The following MYO1D variants were observed in gnomAD, a reference collection of about 807,000 sequenced individuals.
MYO1D encodes the protein unconventional myosin-Id.
In MYO1D, 83 loss-of-function variants were observed where a neutral mutation model predicts 122.0. The ratio of observed to expected loss-of-function variants is 0.68; its 90% confidence interval spans 0.57 to 0.82. The LOEUF (loss-of-function observed/expected upper bound fraction) is 0.82, where lower values mean the gene tolerates loss of function less well. Among genes scored for constraint, MYO1D ranks in the 40% least tolerant of loss-of-function variants. The probability of loss-of-function intolerance (pLI) is 0.00; values close to 1 mark genes in which losing one functional copy is unlikely to be tolerated. For missense variants in MYO1D, 1,157 were observed against 1,269.5 expected, an observed-to-expected ratio of 0.91 and a Z score of 1.35; for synonymous variants, 464 against 446.9, an observed-to-expected ratio of 1.04 and a Z score of -0.48.
intron 16 of MYO1D, among the ~76,000 whole-genome samples, chr17:32,693,686 C>G (rs2150975616): frequency 6.6e-6 from 1 of 152,298 alleles, no homozygotes; most frequent in South Asian, 2.1e-4. Context: ...GCTGCTCTTT[C>G]AGGAGAGCAA....
At chr17:32,691,302 T>C (rs549836022) in intron 16 of MYO1D, among the ~76,000 whole-genome samples, 3 of 151,922 alleles carry the variant, frequency 2.0e-5, no homozygotes, top group South Asian at 2.1e-4. Context: ...TCTTACTGTA[T>C]GTTTGTACTC....
At chr17:32,530,460 TGTG>T (rs976688897) in intron 21 of MYO1D, among the ~76,000 whole-genome samples, 23 of 152,186 alleles carry the variant, frequency 1.5e-4, no homozygotes, top group Admixed American at 3.9e-4. Flanking sequence ...ATAATTTCAT[TGTG>T]GTGCATCAGG....
At chr17:32,855,070 T>C (rs907337354) in intron 1 of MYO1D, among the ~76,000 whole-genome samples, 1 of 152,168 alleles carries the variant, frequency 6.6e-6, no homozygotes, top group East Asian at 1.9e-4. Context: ...TCCATCCCCA[T>C]TGGCTGCAAT....
At chr17:32,708,769 T>C (rs956776546) in intron 16 of MYO1D, among the ~76,000 whole-genome samples, 2 of 152,196 alleles carry the variant, frequency 1.3e-5, no homozygotes, top group Non-Finnish European at 2.9e-5. Context: ...ATGCGAGATC[T>C]GTCTCACAGA....
intron 21 of MYO1D, among the ~76,000 whole-genome samples, chr17:32,591,581 C>T (rs138878523): frequency 9.2e-4 from 140 of 152,200 alleles, no homozygotes; most frequent in African/African-American, 3.0e-3. Context: ...CTTTCCATCC[C>T]GCCTTTCTTC....
chr17:32,864,015 T>C lies in MYO1D; in HGVS notation c.95+12763A>G, dbSNP rs966132426. On this transcript the variant is annotated intron_variant, in intron 1 of 21. Coordinates refer to ENST00000318217, the MANE Select transcript of MYO1D (RefSeq NM_015194.3). Reference sequence around the variant, plus strand: ...GTTACAAACATTTCTTCCTTTTTTTTTTTTTTTTTTTTTTTTTTTTTTTTT... The same window carrying C: ...GTTACAAACATTTCTTCCTTTTTTTCTTTTTTTTTTTTTTTTTTTTTTTTT... Among the ~76,000 whole-genome samples, 197 of 83,390 alleles carry C rather than the reference T, an allele frequency of 2.4e-3. 5 individuals carry two copies. The highest frequency in any genetic ancestry group is 7.1e-3 in the African/African-American group (183 of 25,916). 54.7% of individuals were successfully genotyped at this position (83,390 alleles called of 152,430 possible). A position where few individuals can be genotyped will look rare whatever the true frequency, so the allele number is the denominator to read the frequency against.
At position 32,494,783 on chromosome 17, in the gene MYO1D, G is replaced by A; in HGVS notation, c.2997C>T (p.Phe999=). 6.2e-7 allele frequency: 1 copy of A among 1,610,226 alleles called. No homozygotes were observed. Among genetic ancestry groups the A allele is most frequent in the Non-Finnish European group, 8.5e-7 (1 of 1,178,356 alleles). Residue 999 remains phenylalanine, a synonymous_variant, in exon 22 of 22, where the codon TTC becomes TTT. Transcript: ENST00000318217. ...QPDFTKNRSG[F]ILSVPGN is the part of the protein sequence containing the mutation. ...GTCAGTTCCCGGGCACGCTGAGGAT[G>A]AAGCCCGAGCGATTCTTGGTGAAGT...
intron 14 of MYO1D, among the ~76,000 whole-genome samples, chr17:32,730,572 C>A (rs1025163062): frequency 2.6e-5 from 4 of 152,020 alleles, no homozygotes; most frequent in African/African-American, 4.8e-5. Flanking sequence ...TGCCTTTGTT[C>A]TGGAAAAAAT....
In MYO1D at chr17:32,794,670, G is replaced by C. The variant is rs533249296; in HGVS notation, c.96-13886C>G. Among the ~76,000 whole-genome samples the C allele has an allele frequency of 6.0e-4, 91 of 152,138 alleles. 1 individual carries two copies. Among genetic ancestry groups the C allele is most frequent in the African/African-American group, 2.1e-3 (86 of 41,510 alleles). ...GAGAGCCAATAGAATGCACTGTACT[G>C]GTGGAGGGAAGCAGCAGTGTTTGAG... On this transcript the variant is annotated intron_variant, in intron 1 of 21. Coordinates refer to ENST00000318217, the MANE Select transcript of MYO1D (RefSeq NM_015194.3).
At chr17:32,669,021 T>C (rs2088673967) in intron 16 of MYO1D, among the ~76,000 whole-genome samples, 1 of 152,146 alleles carries the variant, frequency 6.6e-6, no homozygotes, top group Admixed American at 6.6e-5. Flanking sequence ...AGAATTTTTA[T>C]GTAAATCTCC....
chr17:32,861,170 G>A (rs1240425113), intron 1 of MYO1D, among the ~76,000 whole-genome samples: 1 of 133,224 alleles, frequency 7.5e-6, no homozygotes, highest in Non-Finnish European at 1.6e-5. Flanking sequence ...CCAGGTTCAT[G>A]CCATTCTCCT....
At chr17:32,646,774 C>T (rs2088300807) in intron 19 of MYO1D, among the ~76,000 whole-genome samples, 1 of 152,130 alleles carries the variant, frequency 6.6e-6, no homozygotes, top group Admixed American at 6.5e-5. Flanking sequence ...CCTTCTGTTT[C>T]AGCAGCTTAA....
chr17:32,713,006 T>C (rs928645857), intron 15 of MYO1D, among the ~76,000 whole-genome samples: 24 of 152,214 alleles, frequency 1.6e-4, no homozygotes, highest in African/African-American at 5.5e-4. Flanking sequence ...AGAGGGCATC[T>C]TAGAAGGCTA....
intron 19 of MYO1D, among the ~76,000 whole-genome samples, chr17:32,648,605 T>C (rs2150946755): frequency 6.6e-6 from 1 of 152,272 alleles, no homozygotes. Context: ...GGGCTGGAGA[T>C]TAAGTTAATT....
chr17:32,809,410 G>A (rs2151049251), intron 1 of MYO1D, among the ~76,000 whole-genome samples: 1 of 149,398 alleles, frequency 6.7e-6, no homozygotes, highest in Admixed American at 6.7e-5. Context: ...ACAGGCATGA[G>A]CCACTGTATC....
At chr17:32,613,789 C>CAAAAAAAAAA (rs60701225) in intron 20 of MYO1D, among the ~76,000 whole-genome samples, 54 of 51,046 alleles carry the variant, frequency 1.1e-3, no homozygotes, top group Non-Finnish European at 1.4e-3. Context: ...GATTCCATCT[C>CAAAAAAAAAA]AAAAAAAAAA....
chr17:32,713,810 G>A (rs1478636902), intron 15 of MYO1D, among the ~76,000 whole-genome samples: 1 of 152,072 alleles, frequency 6.6e-6, no homozygotes, highest in East Asian at 1.9e-4. Flanking sequence ...TAACAGTAGA[G>A]ATGGGGTTTT....
chr17:32,708,995 C>T (rs1163828745), intron 16 of MYO1D, among the ~76,000 whole-genome samples: 1 of 152,208 alleles, frequency 6.6e-6, no homozygotes, highest in Non-Finnish European at 1.5e-5. Flanking sequence ...CCTAGTAGCA[C>T]ACCTGGAATT....
At chr17:32,619,998 G>C (rs1193479392) in intron 20 of MYO1D, among the ~76,000 whole-genome samples, 1 of 152,164 alleles carries the variant, frequency 6.6e-6, no homozygotes, top group African/African-American at 2.4e-5. Context: ...CTTTTAGCAG[G>C]CTTCCACTAA....
Sources: gnomAD v4.1 joint callset for allele counts (sites outside exome capture counted in the v4.1 genomes callset) on GRCh38, gnomAD v4.1.1 for gene constraint, MANE v1.5 for transcripts, NCBI Gene and HGNC (gene_info 2026-07-23, HGNC 2026-07-21) for gene names.